Variants in TRPM2 observed in about 807,000 individuals in gnomAD.
The protein encoded by TRPM2 is estrogen-responsive element-associated gene 1 protein.
TRPM2 carries 161 observed loss-of-function variants against 174.0 expected under a neutral mutation model. That is an observed-to-expected ratio of 0.93 (90% CI 0.81 to 1.05). The LOEUF (loss-of-function observed/expected upper bound fraction) is 1.05, where lower values mean the gene tolerates loss of function less well. Among genes scored for constraint, TRPM2 ranks in the 50% least tolerant of loss-of-function variants. The pLI is 0.00. For synonymous variants in TRPM2, 954 were observed against 861.3 expected (o/e 1.11, Z -1.88); for missense variants, 2,057 against 2,038.0 (o/e 1.01, Z -0.18).
chr21:44,390,786 C>G lies in TRPM2; in HGVS notation c.1319-118C>G, dbSNP rs2146239225. The G allele has an allele frequency of 2.1e-6, 3 of 1,411,852 alleles. No homozygotes were observed. In the African/African-American group the frequency reaches 4.2e-5, roughly 20 times the overall value. 87.5% of individuals were successfully genotyped at this position (1,411,852 alleles called of 1,614,324 possible). ...AGGTCACTGGGTGCTGCGCCTGTCACTTTGAATTGTTGAGAGGCAAGGGCT... is the reference window on the plus strand; with the variant it reads ...AGGTCACTGGGTGCTGCGCCTGTCAGTTTGAATTGTTGAGAGGCAAGGGCT... On this transcript the variant is annotated intron_variant, in intron 9 of 31. Coordinates refer to ENST00000397928, the MANE Select transcript of TRPM2 (RefSeq NM_003307.4).
Position 44,426,645 on chromosome 21 carries a change from C to T in TRPM2, c.3796-15C>T, listed in dbSNP as rs2146382041. 1 of 1,614,066 alleles carries T rather than the reference C, an allele frequency of 6.2e-7. No homozygotes were observed. The highest frequency in any genetic ancestry group is 1.3e-5 in the African/African-American group (1 of 75,062). On this transcript the variant is annotated splice_polypyrimidine_tract_variant and intron_variant, in intron 25 of 31. Transcript: ENST00000397928. The stretch of plus-strand genomic sequence containing the variant: ...GGGGTAAAAATCTGAGGGAAAACTC[C>T]CTGTTTTGCGACAGACGGAGTTCCT...
chr21:44,372,617 T>C (rs140007163), intron 5 of TRPM2, among the ~76,000 whole-genome samples: 336 of 152,346 alleles, frequency 2.2e-3, no homozygotes, highest in African/African-American at 7.9e-3. Flanking sequence ...TCTCTTCATA[T>C]GTGCACCTGT....
intron 3 of TRPM2, among the ~76,000 whole-genome samples, chr21:44,364,721 C>A (rs934652376): frequency 6.6e-6 from 1 of 152,088 alleles, no homozygotes; most frequent in African/African-American, 2.4e-5. Flanking sequence ...AGCAGGGAGG[C>A]CCATGTGGCA....
At chr21:44,390,216 C>T (rs1176926152) in intron 9 of TRPM2, among the ~76,000 whole-genome samples, 1 of 152,144 alleles carries the variant, frequency 6.6e-6, no homozygotes, top group African/African-American at 2.4e-5. Flanking sequence ...TGTGTCATAG[C>T]TAAGAGATCT....
At chr21:44,388,297 C>G (rs1023063400) in intron 9 of TRPM2, among the ~76,000 whole-genome samples, 2 of 152,140 alleles carry the variant, frequency 1.3e-5, no homozygotes, top group African/African-American at 2.4e-5. Flanking sequence ...GTGAAATAAG[C>G]CAGTCACAAA....
In TRPM2 at chr21:44,435,142, G is replaced by A; in HGVS notation, c.3986G>A (p.Gly1329Asp). Residue 1329 changes from glycine (G) to aspartate (D), a missense_variant, in exon 28 of 32, where the codon GGC becomes GAC. Coordinates refer to ENST00000397928, the MANE Select transcript of TRPM2 (RefSeq NM_003307.4). ...CCTCTGCATCCCAGGAACCCCATGG[G>A]CCGCACAGGACTGCGTGGGCGCGGG... Reference protein sequence around the residue: ...VQAGLPLNPMGRTGLRGRGSL... With the variant: ...VQAGLPLNPMDRTGLRGRGSL... The A allele has an allele frequency of 1.2e-6, 2 of 1,612,896 alleles. No homozygotes were observed. The highest frequency in any genetic ancestry group is 1.7e-6 in the Non-Finnish European group (2 of 1,179,164).
intron 8 of TRPM2, among the ~76,000 whole-genome samples, chr21:44,380,608 T>TG (rs2048850925): frequency 6.6e-6 from 1 of 152,150 alleles, no homozygotes; most frequent in South Asian, 2.1e-4. Flanking sequence ...TCCTGCTCAG[T>TG]GGGGAGGGGC....
At chr21:44,380,988 G>A (rs1234398404) in intron 8 of TRPM2, among the ~76,000 whole-genome samples, 1 of 152,194 alleles carries the variant, frequency 6.6e-6, no homozygotes, top group Non-Finnish European at 1.5e-5. Flanking sequence ...ACGGTATGAG[G>A]ATGGGGGTGC....
At chr21:44,382,914 G>T in intron 9 of TRPM2, 94 bp downstream of exon 9, 1 of 1,270,502 alleles carries the variant, frequency 7.9e-7, no homozygotes, top group Non-Finnish European at 1.1e-6. Context: ...ATGATTCTGG[G>T]AACCAGAATA....
At chr21:44,423,838 G>A in intron 23 of TRPM2, 106 bp downstream of exon 23, 1 of 959,396 alleles carries the variant, frequency 1.0e-6, no homozygotes, top group Non-Finnish European at 1.6e-6. Context: ...GAGTGATGGT[G>A]AGGAGGAGGC....
chr21:44,421,635 G>T (rs113478787), intron 22 of TRPM2, among the ~76,000 whole-genome samples: 3 of 152,090 alleles, frequency 2.0e-5, no homozygotes, highest in East Asian at 3.9e-4. Context: ...AATTAGCCAG[G>T]CACGGTGGCT....
chr21:44,427,206 A>G (rs1178096414), intron 27 of TRPM2, 95 bp downstream of exon 27: 4 of 1,131,720 alleles, frequency 3.5e-6, no homozygotes, highest in Non-Finnish European at 4.9e-6. Flanking sequence ...TTTTTCTCAT[A>G]AAACAAAATC....
chr21:44,379,577 T>G (rs1275554101), intron 8 of TRPM2, among the ~76,000 whole-genome samples: 2 of 152,158 alleles, frequency 1.3e-5, no homozygotes, highest in African/African-American at 4.8e-5. Flanking sequence ...GGTCGCAGGG[T>G]CCAGTCCAGA....
At chr21:44,378,949 G>A (rs965951242) in intron 7 of TRPM2, 48 bp from the exon 8 acceptor site, 3 of 1,571,902 alleles carry the variant, frequency 1.9e-6, no homozygotes, top group African/African-American at 1.3e-5. Context: ...GAAAGCATCG[G>A]AGCGGTGAGG....
chr21:44,437,306 G>T, intron 29 of TRPM2, 139 bp downstream of exon 29: 1 of 708,422 alleles, frequency 1.4e-6, no homozygotes, highest in South Asian at 1.7e-5. Context: ...TCGAGACCCC[G>T]CCTGTTTTGT....
In TRPM2 at chr21:44,418,024, C is replaced by G. The variant is rs755129641; in HGVS notation, c.3244C>G (p.Pro1082Ala). 3 of 1,613,056 alleles carry G rather than the reference C, an allele frequency of 1.9e-6. No individual in the cohort carries two copies. The change falls in exon 21 of 32, where the codon CCC becomes GCC. Residue 1082 changes from proline (P) to alanine (A), a missense_variant. Coordinates refer to ENST00000397928, the MANE Select transcript of TRPM2 (RefSeq NM_003307.4). ...GTACCACGGCCGCCCCGCCGCGCCG[C>G]CCCCCTTCATCCTCCTCAGCCACCT... ...EEYHGRPAAPPPFILLSHLQL... is the reference protein window; with the variant it reads ...EEYHGRPAAPAPFILLSHLQL...
chr21:44,398,206 G>GTTTTTTTCTTTTTTTTT (rs2049494646), intron 13 of TRPM2, among the ~76,000 whole-genome samples: 1 of 144,732 alleles, frequency 6.9e-6, no homozygotes, highest in African/African-American at 2.7e-5. Flanking sequence ...TTTGGAGACT[G>GTTTTTTTCTTTTTTTTT]TTTTTTTTTT....
chr21:44,403,776 C>T (rs545422500), intron 16 of TRPM2, among the ~76,000 whole-genome samples: 8 of 151,530 alleles, frequency 5.3e-5, no homozygotes, highest in African/African-American at 1.7e-4. Context: ...CATATACATG[C>T]ATGCACACAT....
chr21:44,441,210 C>G (rs1343818380), intron 31 of TRPM2, among the ~76,000 whole-genome samples: 2 of 151,110 alleles, frequency 1.3e-5, no homozygotes, highest in Non-Finnish European at 2.9e-5. Context: ...GGGGAGCCAC[C>G]TCAGGTGGCC....
Sources: allele counts gnomAD v4.1 joint callset (sites outside exome capture counted in the v4.1 genomes callset), GRCh38; gene constraint gnomAD v4.1.1; transcripts MANE v1.5; gene names NCBI Gene and HGNC (gene_info 2026-07-23, HGNC 2026-07-21).